CYP7B1: variants seen among roughly 807,000 people sequenced by gnomAD.
CYP7B1 encodes the protein cytochrome P450 7B1.
Under a neutral mutation model 42.7 loss-of-function variants are expected in CYP7B1, and 29 were observed. That is an observed-to-expected ratio of 0.68 (90% confidence interval 0.51 to 0.93). The LOEUF (loss-of-function observed/expected upper bound fraction) is 0.93. Ranked by LOEUF, CYP7B1 falls within the 40% of genes least tolerant of loss-of-function variation. The pLI is 0.00. For missense variants in CYP7B1, 655 were observed against 600.5 expected (o/e 1.09, Z -0.95); for synonymous variants, 235 against 218.2 (o/e 1.08, Z -0.68).
intron 1 of CYP7B1, among the ~76,000 whole-genome samples, chr8:64,628,943 C>T (rs542670990): frequency 1.3e-3 from 202 of 152,118 alleles, no homozygotes; most frequent in Non-Finnish European, 2.2e-3. Flanking sequence ...TAAAGCCCAT[C>T]GCTGCCGGGC....
chr8:64,615,599 A>C (rs1805426507), intron 3 of CYP7B1, 92 bp downstream of exon 3: 1 of 1,255,146 alleles, frequency 8.0e-7, no homozygotes, highest in Non-Finnish European at 1.2e-6. Context: ...AAGAGCATAA[A>C]AAATTTTCAA....
At chr8:64,702,785 C>T (rs1201579649) in intron 1 of CYP7B1, among the ~76,000 whole-genome samples, 1 of 152,028 alleles carries the variant, frequency 6.6e-6, no homozygotes, top group African/African-American at 2.4e-5. Context: ...ACATAATGTA[C>T]GGCAATAATA....
At chr8:64,633,257 T>C (rs1805723599) in intron 1 of CYP7B1, among the ~76,000 whole-genome samples, 1 of 152,200 alleles carries the variant, frequency 6.6e-6, no homozygotes, top group Non-Finnish European at 1.5e-5. Context: ...GTAGCTGATA[T>C]ACACAGCAGG....
intron 5 of CYP7B1, among the ~76,000 whole-genome samples, chr8:64,599,789 C>G (rs1334529934): frequency 6.6e-6 from 1 of 152,126 alleles, no homozygotes; most frequent in Non-Finnish European, 1.5e-5. Context: ...GGAGAAGTCC[C>G]CTTTCTGTGA....
At chr8:64,761,514 TG>T (rs1453305099) in intron 1 of CYP7B1, among the ~76,000 whole-genome samples, 1 of 152,110 alleles carries the variant, frequency 6.6e-6, no homozygotes, top group Non-Finnish European at 1.5e-5. Context: ...TGTCTTAAAA[TG>T]AACACTCATT....
At chr8:64,743,301 T>C (rs1807596413) in intron 1 of CYP7B1, among the ~76,000 whole-genome samples, 1 of 152,328 alleles carries the variant, frequency 6.6e-6, no homozygotes, top group South Asian at 2.1e-4. Context: ...GCTCTATATC[T>C]GTTAATTGAT....
intron 1 of CYP7B1, among the ~76,000 whole-genome samples, chr8:64,648,192 G>A (rs1805983313): frequency 1.3e-5 from 2 of 152,148 alleles, no homozygotes; most frequent in Non-Finnish European, 2.9e-5. Context: ...TGATAGAGTT[G>A]ATTATGAATT....
chr8:64,745,337 C>G (rs1807628368), intron 1 of CYP7B1, among the ~76,000 whole-genome samples: 1 of 152,116 alleles, frequency 6.6e-6, no homozygotes, highest in Non-Finnish European at 1.5e-5. Flanking sequence ...AATTATAAAA[C>G]TTTAAACAGT....
At chr8:64,730,751 G>GCACAGA (rs1554536386) in intron 1 of CYP7B1, among the ~76,000 whole-genome samples, 1 of 142,864 alleles carries the variant, frequency 7.0e-6, no homozygotes, top group Non-Finnish European at 1.5e-5. Flanking sequence ...AGGACTGTCT[G>GCACAGA]CACACACACA....
intron 1 of CYP7B1, among the ~76,000 whole-genome samples, chr8:64,632,627 A>T (rs1411296664): frequency 6.6e-6 from 1 of 151,958 alleles, no homozygotes; most frequent in Non-Finnish European, 1.5e-5. Flanking sequence ...AACCAATGTA[A>T]AAAAAAATCC....
chr8:64,753,175 A>G (rs1303678952), intron 1 of CYP7B1, among the ~76,000 whole-genome samples: 5 of 152,260 alleles, frequency 3.3e-5, no homozygotes, highest in Non-Finnish European at 7.3e-5. Flanking sequence ...AAAATAAACA[A>G]TAGACTTATA....
intron 1 of CYP7B1, among the ~76,000 whole-genome samples, chr8:64,661,396 C>G (rs970037612): frequency 1.2e-4 from 18 of 152,172 alleles, no homozygotes; most frequent in African/African-American, 4.3e-4. Context: ...TCCGTCAGCT[C>G]AAGAACTTTG....
chr8:64,779,897 GCA>G (rs1210656142), intron 1 of CYP7B1, among the ~76,000 whole-genome samples: 4 of 152,094 alleles, frequency 2.6e-5, no homozygotes, highest in Non-Finnish European at 5.9e-5. Flanking sequence ...AGAATCTTAA[GCA>G]CAGTTATACA....
rs567098657 is a variant in CYP7B1 at position 64,648,911 on chromosome 8, C to A, written c.123-24372G>T. Among the ~76,000 whole-genome samples, 10 of 152,250 alleles carry A rather than the reference C, an allele frequency of 6.6e-5. No individual in the cohort carries two copies. In the East Asian group the frequency reaches 1.9e-3, roughly 29 times the overall value. On this transcript the variant is annotated intron_variant, in intron 1 of 5. Transcript: ENST00000310193. ...GTCTAAAAATAAAATATGAATGATA[C>A]CTTGTCATAGCCTATAAGAATTAGC...
intron 1 of CYP7B1, among the ~76,000 whole-genome samples, chr8:64,658,803 C>G (rs1563380196): frequency 1.3e-5 from 2 of 152,156 alleles, no homozygotes; most frequent in African/African-American, 4.8e-5. Context: ...AAATTCACAC[C>G]TGACTTCCAG....
At chr8:64,701,539 T>C (rs1406637346) in intron 1 of CYP7B1, among the ~76,000 whole-genome samples, 1 of 152,108 alleles carries the variant, frequency 6.6e-6, no homozygotes, top group East Asian at 1.9e-4. Flanking sequence ...TGTGCTGATA[T>C]ATTTTTTCAA....
rs1384911768 is a variant in CYP7B1, at chr8:64,595,607, A to G, written c.*1035T>C. On this transcript the variant is annotated 3_prime_UTR_variant, in exon 6 of 6. Coordinates refer to ENST00000310193, the MANE Select transcript of CYP7B1 (RefSeq NM_004820.5). ...TGAGACCAGCCTGGGCAACACAGCC[A>G]GATACTCTCTCAATTGAAAAAAAAT... is the stretch of plus-strand genomic sequence containing the variant. Among the ~76,000 whole-genome samples the G allele has an allele frequency of 6.6e-6, 1 of 152,194 alleles. No individual in the cohort carries two copies. Among genetic ancestry groups the G allele is most frequent in the East Asian group, 1.9e-4 (1 of 5,200 alleles).
chr8:64,605,293 T>C (rs1016234992), intron 4 of CYP7B1, among the ~76,000 whole-genome samples: 6 of 152,336 alleles, frequency 3.9e-5, no homozygotes, highest in African/African-American at 7.2e-5. Flanking sequence ...AGGCAGTTAA[T>C]AGTAAAGTAA....
chr8:64,682,472 C>T (rs1043629610), intron 1 of CYP7B1, among the ~76,000 whole-genome samples: 2 of 152,182 alleles, frequency 1.3e-5, no homozygotes, highest in African/African-American at 4.8e-5. Flanking sequence ...TCCTCCATTC[C>T]TCATTTCAAC....
Sources: allele counts gnomAD v4.1 joint callset (sites outside exome capture counted in the v4.1 genomes callset), GRCh38; gene constraint gnomAD v4.1.1; transcripts MANE v1.5; gene names NCBI Gene and HGNC (gene_info 2026-07-23, HGNC 2026-07-21).